The following KIF26B variants were observed in gnomAD, a reference collection of about 807,000 sequenced individuals.
The protein encoded by KIF26B is kinesin family member 26B.
Under a neutral mutation model 151.2 loss-of-function variants are expected in KIF26B, and 63 were observed. The ratio of observed to expected loss-of-function variants is 0.42; its 90% CI spans 0.34 to 0.51. The LOEUF (loss-of-function observed/expected upper bound fraction) is 0.51, where lower values mean the gene tolerates loss of function less well. KIF26B is among the 20% of genes least tolerant of loss of function. The pLI is 0.07. For missense variants in KIF26B, 2,813 were observed against 2,913.6 expected (o/e 0.97, Z 0.79); for synonymous variants, 1,357 against 1,262.1 (o/e 1.08, Z -1.59).
intron 9 of KIF26B, among the ~76,000 whole-genome samples, chr1:245,626,812 A>G (rs1464268546): frequency 1.3e-5 from 2 of 152,208 alleles, no homozygotes; most frequent in Non-Finnish European, 2.9e-5. Flanking sequence ...GCCTGGACCA[A>G]TGTCCCAAAG....
chr1:245,389,651 G>A (rs192685281), intron 3 of KIF26B, among the ~76,000 whole-genome samples: 40 of 152,300 alleles, frequency 2.6e-4, no homozygotes, highest in African/African-American at 9.1e-4. Flanking sequence ...ATTTGACGCA[G>A]TAAATTATGT....
chr1:245,227,641 A>T lies in KIF26B; in HGVS notation c.465+70958A>T, dbSNP rs147369450. 6.6e-6 allele frequency among the ~76,000 whole-genome samples: 1 copy of T among 152,202 alleles called. No homozygotes were observed. The highest frequency in any genetic ancestry group is 1.5e-5 in the Non-Finnish European group (1 of 68,042). On this transcript the variant is annotated intron_variant, in intron 2 of 14. Transcript: ENST00000407071. The surrounding 1 kb of genome is among the most constrained non-coding windows in gnomAD (Gnocchi z 4.1). ...ACAGTATTAGACTCACTGTTTCCTG[A>T]GCCACTAAATGTATCAGACTGTTAT...
At chr1:245,157,232 A>G (rs923849454) in intron 2 of KIF26B, among the ~76,000 whole-genome samples, 3 of 152,170 alleles carry the variant, frequency 2.0e-5, no homozygotes, top group African/African-American at 4.8e-5. Context: ...GGCTCTTCGG[A>G]GCAGTGCTCC....
chr1:245,612,019 G>T, intron 9 of KIF26B, 43 bp downstream of exon 9: 2 of 1,586,784 alleles, frequency 1.3e-6, no homozygotes, highest in Non-Finnish European at 1.7e-6. Flanking sequence ...AGCGGCTCTG[G>T]CCCCAGCCAG....
chr1:245,410,150 C>T (rs959286945), intron 3 of KIF26B, among the ~76,000 whole-genome samples: 6 of 152,176 alleles, frequency 3.9e-5, no homozygotes, highest in African/African-American at 1.2e-4. Flanking sequence ...CCCTCTTCTC[C>T]GAGCTTAGCT....
rs1374401828 is a variant in KIF26B, at chr1:245,386,219, C to T, written c.999+18852C>T. 4.0e-5 allele frequency among the ~76,000 whole-genome samples: 6 copies of T among 150,912 alleles called. No homozygotes were observed. In the Admixed American group the frequency reaches 4.0e-4, roughly 10 times the overall value. ...TTGTGCCATTGCACTCCAGCCTGGG[C>T]AACAGAGCAAGACTGTGTCTCAAAA... On this transcript the variant is annotated intron_variant, in intron 3 of 14. Transcript: ENST00000407071.
At chr1:245,286,939 C>T (rs931027744) in intron 2 of KIF26B, among the ~76,000 whole-genome samples, 1 of 152,084 alleles carries the variant, frequency 6.6e-6, no homozygotes, top group Non-Finnish European at 1.5e-5. Context: ...GAAACCCCAT[C>T]TCTACTAAAA....
intron 2 of KIF26B, among the ~76,000 whole-genome samples, chr1:245,189,551 A>G (rs1669059214): frequency 6.6e-6 from 1 of 152,184 alleles, no homozygotes; most frequent in South Asian, 2.1e-4. Flanking sequence ...GGGTTCGTGA[A>G]CCTCAGGCTG....
chr1:245,656,661 G>A (rs2147929573), intron 10 of KIF26B, among the ~76,000 whole-genome samples: 1 of 152,364 alleles, frequency 6.6e-6, no homozygotes, highest in Admixed American at 6.5e-5. Context: ...GCATTGGACA[G>A]GATGGAGCAT....
chr1:245,390,938 A>C lies in KIF26B; in HGVS notation c.999+23571A>C, dbSNP rs112315632. Reference sequence around the variant, plus strand: ...CCCTGTCTCAAAAAAAAAAAAAAAAAAAAAAAAAAAAAAACCACCATAAAA... The same window carrying C: ...CCCTGTCTCAAAAAAAAAAAAAAAACAAAAAAAAAAAAAACCACCATAAAA... On this transcript the variant is annotated intron_variant, in intron 3 of 14. Coordinates refer to ENST00000407071, the MANE Select transcript of KIF26B (RefSeq NM_018012.4). 9.1e-4 allele frequency among the ~76,000 whole-genome samples: 87 copies of C among 95,994 alleles called. 3 individuals carry two copies. Among genetic ancestry groups the C allele is most frequent in the African/African-American group, 5.6e-3 (65 of 11,600 alleles). 63.0% of individuals were successfully genotyped at this position (95,994 alleles called of 152,430 possible).
chr1:245,178,984 T>TA (rs397805484), intron 2 of KIF26B, among the ~76,000 whole-genome samples: 21 of 151,854 alleles, frequency 1.4e-4, no homozygotes, highest in Non-Finnish European at 2.1e-4. Flanking sequence ...TTTTTTTTTT[T>TA]AAATAATTAC....
chr1:245,598,980 C>T (rs1415978126), intron 5 of KIF26B, among the ~76,000 whole-genome samples: 2 of 152,068 alleles, frequency 1.3e-5, no homozygotes, highest in Admixed American at 6.5e-5. Context: ...AAATAGTGAC[C>T]GTCCCTTTGA....
chr1:245,481,867 C>T (rs1660174530), intron 4 of KIF26B, among the ~76,000 whole-genome samples: 1 of 151,692 alleles, frequency 6.6e-6, no homozygotes, highest in Admixed American at 6.6e-5. Flanking sequence ...CTTGGTTGGA[C>T]CTGACAGCAC....
chr1:245,686,326 T>C lies in KIF26B; in HGVS notation c.3343T>C (p.Ser1115Pro). The change falls in exon 12 of 15, where the codon TCT becomes CCT. Residue 1115 changes from serine (S) to proline (P), a missense_variant. Around this residue, in one of 3 missense-constraint regions of KIF26B, gnomAD observed 2,060 missense variants for 2,088.6 expected, o/e 0.99. Transcript: ENST00000407071. The surrounding 1 kb of genome is among the most constrained non-coding windows in gnomAD (Gnocchi z 5.6). ...PPSSKDSGVA[S>P]RESLLQPEVR... ...CTCGAGCAAGGATTCCGGCGTGGCG[T>C]CTAGGGAGTCCTTGCTGCAGCCCGA... The C allele has an allele frequency of 6.2e-7, 1 of 1,613,070 alleles. No individual in the cohort carries two copies. The highest frequency in any genetic ancestry group is 8.5e-7 in the Non-Finnish European group (1 of 1,179,818).
At chr1:245,221,060 C>T (rs1669756742) in intron 2 of KIF26B, among the ~76,000 whole-genome samples, 1 of 152,118 alleles carries the variant, frequency 6.6e-6, no homozygotes, top group Non-Finnish European at 1.5e-5. Context: ...TCAGAGGAGG[C>T]ACATGGTGTC....
intron 4 of KIF26B, among the ~76,000 whole-genome samples, chr1:245,437,375 T>C (rs1262857031): frequency 6.6e-6 from 1 of 152,202 alleles, no homozygotes; most frequent in Non-Finnish European, 1.5e-5. Flanking sequence ...CCCATATCAT[T>C]TGTTACTTAG....
At chr1:245,229,250 G>A (rs1669941685) in intron 2 of KIF26B, among the ~76,000 whole-genome samples, 1 of 152,044 alleles carries the variant, frequency 6.6e-6, no homozygotes, top group Admixed American at 6.6e-5. Context: ...GGGATTACAA[G>A]CGTGAGCCAC....
chr1:245,664,087 G>A (rs1324371528), intron 10 of KIF26B, among the ~76,000 whole-genome samples: 1 of 152,004 alleles, frequency 6.6e-6, no homozygotes, highest in Non-Finnish European at 1.5e-5. Flanking sequence ...TAATATCCAC[G>A]GCCGGGCATG....
chr1:245,484,703 T>C (rs375329244), intron 4 of KIF26B, among the ~76,000 whole-genome samples: 1 of 69,268 alleles, frequency 1.4e-5, no homozygotes, highest in Admixed American at 1.8e-4. Flanking sequence ...TTCTTCTCCT[T>C]CTCCTTCTTC....
Sources: gnomAD v4.1 joint callset for allele counts (sites outside exome capture counted in the v4.1 genomes callset) on GRCh38, gnomAD v4.1.1 for gene constraint, gnomAD v4.1.1 regional missense constraint, Gnocchi (gnomAD v3.1) non-coding constraint, MANE v1.5 for transcripts, NCBI Gene and HGNC (gene_info 2026-07-23, HGNC 2026-07-21) for gene names.